RHBDL2: variants seen among roughly 807,000 people sequenced by gnomAD.
RHBDL2 encodes the protein rhomboid like 2, also known as rhomboid-related protein 2.
A neutral mutation model predicts 31.7 loss-of-function variants in RHBDL2; 26 were observed. The ratio of observed to expected loss-of-function variants is 0.82; its 90% confidence interval spans 0.60 to 1.14. The LOEUF (loss-of-function observed/expected upper bound fraction) is 1.14, where lower values mean the gene tolerates loss of function less well. RHBDL2 is among the 50% of genes most tolerant of loss of function. The pLI is 0.00. For synonymous variants in RHBDL2, 123 were observed against 127.2 expected (o/e 0.97, Z 0.22); for missense variants, 336 against 364.4 (o/e 0.92, Z 0.63).
At chr1:38,901,583 C>A (rs918241856) in intron 4 of RHBDL2, among the ~76,000 whole-genome samples, 2 of 151,650 alleles carry the variant, frequency 1.3e-5, no homozygotes, top group Admixed American at 1.3e-4. Flanking sequence ...CGCTTATAAT[C>A]CCAGCACTTT....
chr1:38,908,513 C>CA (rs35185971), intron 4 of RHBDL2, among the ~76,000 whole-genome samples: 9,296 of 63,844 alleles, frequency 0.15, 176 homozygotes, highest in Non-Finnish European at 0.16. Flanking sequence ...ACTCCGTCTC[C>CA]AAAAAAAAAA....
intron 4 of RHBDL2, among the ~76,000 whole-genome samples, chr1:38,903,159 G>A (rs146987191): frequency 2.7e-4 from 41 of 150,146 alleles, no homozygotes; most frequent in African/African-American, 9.5e-4. Flanking sequence ...TTTTTTTTGA[G>A]ACAGAGTTTT....
At chr1:38,886,902 C>A (rs1044166348) in intron 7 of RHBDL2, among the ~76,000 whole-genome samples, 2 of 152,126 alleles carry the variant, frequency 1.3e-5, no homozygotes, top group African/African-American at 4.8e-5. Flanking sequence ...TCATTTTCAC[C>A]CATTCTTAGA....
At chr1:38,913,528 T>C (rs1357896326) in intron 3 of RHBDL2, 1 of 151,414 alleles carries the variant, frequency 6.6e-6, no homozygotes, top group Non-Finnish European at 1.5e-5. Flanking sequence ...TAACTTTTTT[T>C]TTTTTTTGTA....
At position 38,887,982 on chromosome 1, in the gene RHBDL2, A is replaced by G; in HGVS notation, c.713T>C (p.Val238Ala). Residue 238 changes from valine to alanine, a missense_variant, in exon 7 of 8, where the codon GTT (valine) becomes GCT (alanine). Physicochemically the swap from Val to Ala is moderately conservative, Grantham distance 64 (BLOSUM62 0). Coordinates refer to ENST00000372990, the MANE Select transcript of RHBDL2 (RefSeq NM_017821.5). ...MGFALYRRFF[V>A]PEDGSPVSFA... ...ACTCACCGGAGACCCATCTTCAGGA[A>G]CAAAGAACCTTCTATAGAGAGCAAA... is the stretch of plus-strand genomic sequence containing the variant. The G allele has an allele frequency of 4.3e-6, 7 of 1,612,324 alleles. No individual in the cohort carries two copies. The highest frequency in any genetic ancestry group is 5.9e-6 in the Non-Finnish European group (7 of 1,178,468).
chr1:38,906,393 G>A (rs1200315152), intron 4 of RHBDL2, among the ~76,000 whole-genome samples: 1 of 152,080 alleles, frequency 6.6e-6, no homozygotes, highest in Non-Finnish European at 1.5e-5. Flanking sequence ...AACATGCACA[G>A]GCCGGGCGCA....
At chr1:38,902,175 G>A (rs1026246521) in intron 4 of RHBDL2, among the ~76,000 whole-genome samples, 1 of 130,632 alleles carries the variant, frequency 7.7e-6, no homozygotes, top group Non-Finnish European at 1.7e-5. Context: ...TCTAACCACA[G>A]TTTTGTTTTC....
chr1:38,900,361 C>A (rs1309520613), intron 4 of RHBDL2, among the ~76,000 whole-genome samples: 1 of 152,120 alleles, frequency 6.6e-6, no homozygotes, highest in Non-Finnish European at 1.5e-5. Context: ...GTGGCTCATG[C>A]CTATAATCCC....
At chr1:38,926,224 A>G in intron 1 of RHBDL2, 1 of 1,104,418 alleles carries the variant, frequency 9.1e-7, no homozygotes, top group Non-Finnish European at 1.1e-6. Flanking sequence ...CAGTGGTTGC[A>G]GCAGTGGCAG....
intron 3 of RHBDL2, among the ~76,000 whole-genome samples, chr1:38,912,121 G>A (rs1479969791): frequency 2.6e-5 from 4 of 151,932 alleles, no homozygotes; most frequent in Admixed American, 6.6e-5. Flanking sequence ...ACAAGCATGC[G>A]CCACCATGCC....
rs770918297 is a variant in RHBDL2 at position 38,886,628 on chromosome 1, G to A, written c.788C>T (p.Thr263Met). 9.4e-6 allele frequency: 15 copies of A among 1,600,022 alleles called. No individual in the cohort carries two copies. Among genetic ancestry groups the A allele is most frequent in the South Asian group, 3.4e-5 (3 of 88,980 alleles). ...GGFAGMSIGY[T>M]VFSCFDKALL... is the part of the protein sequence containing the mutation. ...TGCTTTATCAAAGCAGCTAAACACCGTGTAGCCAATGGACATTCCAGCAAA... is the reference window on the plus strand; with the variant it reads ...TGCTTTATCAAAGCAGCTAAACACCATGTAGCCAATGGACATTCCAGCAAA... Residue 263 changes from threonine to methionine, a missense_variant, in exon 8 of 8, where the codon ACG (threonine) becomes ATG (methionine). Thr to Met is a moderately conservative substitution (Grantham distance 81). Transcript: ENST00000372990.
At chr1:38,934,263 G>A (rs369891438) in intron 1 of RHBDL2, among the ~76,000 whole-genome samples, 29 of 152,004 alleles carry the variant, frequency 1.9e-4, no homozygotes, top group South Asian at 1.7e-3. Flanking sequence ...CAAGAGAATC[G>A]CTTGAACTTA....
At chr1:38,910,535 G>A (rs1570926066) in intron 4 of RHBDL2, among the ~76,000 whole-genome samples, 1 of 151,992 alleles carries the variant, frequency 6.6e-6, no homozygotes, top group African/African-American at 2.4e-5. Context: ...CCAGATTTAG[G>A]GATCACTGAC....
intron 4 of RHBDL2, among the ~76,000 whole-genome samples, chr1:38,902,484 A>G (rs1478240475): frequency 6.7e-6 from 1 of 149,038 alleles, no homozygotes; most frequent in Admixed American, 6.7e-5. Context: ...CAGTGGCGCA[A>G]TCTCAGGTCA....
chr1:38,928,321 C>T (rs113384993), intron 1 of RHBDL2, among the ~76,000 whole-genome samples: 23,782 of 150,916 alleles, frequency 0.16, 3,860 homozygotes, highest in African/African-American at 0.41. Flanking sequence ...TTTTTGTATT[C>T]TTAGTAGAGA....
chr1:38,908,524 A>C (rs1643097567), intron 4 of RHBDL2, among the ~76,000 whole-genome samples: 2 of 151,490 alleles, frequency 1.3e-5, no homozygotes, highest in Non-Finnish European at 3.0e-5. Flanking sequence ...AAAAAAAAAA[A>C]AAAAAAAAAA....
rs752532590 is a variant in RHBDL2, at chr1:38,893,194, T to A, written c.640A>T (p.Ile214Phe). Residue 214 changes from isoleucine (I) to phenylalanine (F), a missense_variant, in exon 6 of 8, where the codon ATT (isoleucine) becomes TTT (phenylalanine). Coordinates refer to ENST00000372990, the MANE Select transcript of RHBDL2 (RefSeq NM_017821.5). ...NFQEMIPAFG[I>F]FRLLIIILII... ...AGGATGATGATCAGCAGTCTGAAAA[T>A]TCCAAAGGCAGGAATCATTTCTTGA... The A allele has an allele frequency of 1.0e-4, 164 of 1,571,158 alleles. No homozygotes were observed. The highest frequency in any genetic ancestry group is 1.4e-4 in the Non-Finnish European group (156 of 1,142,380).
intron 4 of RHBDL2, among the ~76,000 whole-genome samples, chr1:38,910,770 T>TTTTTTTTTTTTTTTTG (rs1557614598): frequency 9.0e-6 from 1 of 110,956 alleles, no homozygotes. Flanking sequence ...TTTTTTTTTT[T>TTTTTTTTTTTTTTTTG]TTTGTTTGTT....
chr1:38,890,054 T>G (rs956139907), intron 6 of RHBDL2, among the ~76,000 whole-genome samples: 3 of 151,832 alleles, frequency 2.0e-5, no homozygotes, highest in African/African-American at 7.3e-5. Context: ...TTTTTTTTTT[T>G]CAAGACGCAG....
Sources: allele counts gnomAD v4.1 joint callset (sites outside exome capture counted in the v4.1 genomes callset), GRCh38; gene constraint gnomAD v4.1.1; transcripts MANE v1.5; gene names NCBI Gene and HGNC (gene_info 2026-07-23, HGNC 2026-07-21).